HTT: variants seen among roughly 807,000 people sequenced by gnomAD.
HTT encodes the protein huntington disease protein.
A neutral mutation model predicts 362.3 loss-of-function variants in HTT; 104 were observed. The ratio of observed to expected loss-of-function variants is 0.29; its 90% CI spans 0.24 to 0.34. HTT has a LOEUF of 0.34. HTT is among the 10% of genes least tolerant of loss of function. The pLI is 1.00. For missense variants in HTT, 3,301 were observed against 3,928.6 expected (o/e 0.84, Z 4.27); for synonymous variants, 1,577 against 1,548.7 (o/e 1.02, Z -0.43).
At chr4:3,213,265 C>G (rs1036326429) in intron 49 of HTT, among the ~76,000 whole-genome samples, 2 of 152,230 alleles carry the variant, frequency 1.3e-5, no homozygotes, top group Admixed American at 6.5e-5. Flanking sequence ...ATGATAAATA[C>G]ACCCTTATTC....
At chr4:3,220,790 G>C (rs1376619409) in intron 53 of HTT, among the ~76,000 whole-genome samples, 1 of 152,154 alleles carries the variant, frequency 6.6e-6, no homozygotes, top group African/African-American at 2.4e-5. Context: ...GGAGAAAGCA[G>C]GCTTGGGGCT....
At position 3,074,905 on chromosome 4, in the gene HTT, AG is replaced by A. The variant is rs1712394052; in HGVS notation, c.81del (p.Gln27HisfsTer74). ...FQQQQQQQQQ[Q>X]QQQQQQQQQQ... ...CAGCAGCAGCAGCAGCAGCAGCAGC[AG>A]CAGCAGCAGCAGCAGCAGCAGCAGC... On this transcript the variant is annotated frameshift_variant, in exon 1 of 67. Coordinates refer to ENST00000355072, the MANE Select transcript of HTT (RefSeq NM_001388492.1). LOFTEE classifies it high-confidence loss of function. The A allele has an allele frequency of 4.0e-6, 6 of 1,499,458 alleles. No homozygotes were observed. Among genetic ancestry groups the A allele is most frequent in the Admixed American group, 2.1e-5 (1 of 48,560 alleles). The allele number at this position is 1,499,458 out of a possible 1,614,324, so 92.9% of individuals were successfully genotyped here.
rs754981618 is a variant in HTT at position 3,186,667 on chromosome 4, T to G, written c.4937T>G (p.Leu1646Arg). ...TLFEILAPSS[L>R]RPVDMLLRSM... The stretch of plus-strand genomic sequence containing the variant: ...TTTGAGATTTTGGCCCCTTCCTCCC[T>G]CCGTCCGGTAGACATGCTTTTACGG... Residue 1646 changes from leucine to arginine, a missense_variant, in exon 38 of 67, where the codon CTC becomes CGC. Leu to Arg is a moderately radical substitution (Grantham distance 102). Coordinates refer to ENST00000355072, the MANE Select transcript of HTT (RefSeq NM_001388492.1). The G allele has an allele frequency of 1.2e-5, 19 of 1,609,698 alleles. No homozygotes were observed. The Admixed American group carries it at 3.2e-4, about 27-fold the overall frequency.
At position 3,075,027 on chromosome 4, in the gene HTT, C is replaced by A; in HGVS notation, c.202C>A (p.Pro68Thr). The part of the protein sequence containing the change: ...AQPLLPQPQP[P>T]PPPPPPPPGP... ...GCCGCTGCTGCCTCAGCCGCAGCCG[C>A]CCCCGCCGCCGCCCCCGCCGCCACC... The change falls in exon 1 of 67, where the codon CCC becomes ACC. Residue 68 changes from proline to threonine, a missense_variant. Transcript: ENST00000355072. 1 of 1,250,910 alleles carries A rather than the reference C, an allele frequency of 8.0e-7. No homozygotes were observed. Among genetic ancestry groups the A allele is most frequent in the Non-Finnish European group, 1.0e-6 (1 of 1,004,028 alleles). 77.5% of individuals were successfully genotyped at this position (1,250,910 alleles called of 1,614,324 possible). A position where few individuals can be genotyped will look rare whatever the true frequency, so the allele number is the denominator to read the frequency against.
At chr4:3,164,911 G>A (rs1180891356) in intron 29 of HTT, among the ~76,000 whole-genome samples, 1 of 152,140 alleles carries the variant, frequency 6.6e-6, no homozygotes, top group Non-Finnish European at 1.5e-5. Context: ...GGGGCATTTA[G>A]CCCATTTACA....
At chr4:3,197,562 C>T (rs933349670) in intron 40 of HTT, among the ~76,000 whole-genome samples, 17 of 152,138 alleles carry the variant, frequency 1.1e-4, no homozygotes, top group Admixed American at 2.0e-4. Flanking sequence ...GCTGCCACCC[C>T]GGGGGCTGAG....
At chr4:3,102,290 G>A (rs1036177358) in intron 3 of HTT, among the ~76,000 whole-genome samples, 3 of 152,236 alleles carry the variant, frequency 2.0e-5, no homozygotes, top group African/African-American at 7.2e-5. Context: ...ATCACCCAGC[G>A]ACTGGCGTAG....
At chr4:3,110,406 C>G (rs1714683190) in intron 6 of HTT, among the ~76,000 whole-genome samples, 2 of 152,156 alleles carry the variant, frequency 1.3e-5, no homozygotes, top group African/African-American at 2.4e-5. Flanking sequence ...GCTCTCTGCC[C>G]CAGTCTGGGC....
At chr4:3,146,726 G>A in intron 24 of HTT, 71 bp from the exon 25 acceptor site, 2 of 1,384,874 alleles carry the variant, frequency 1.4e-6, no homozygotes, top group Non-Finnish European at 2.0e-6. Context: ...TCTTGGAATT[G>A]CAAGAGAAAG....
chr4:3,075,648 A>AGGGGGGGGGG (rs368641776), intron 1 of HTT, among the ~76,000 whole-genome samples: 11 of 54,318 alleles, frequency 2.0e-4, no homozygotes, highest in Non-Finnish European at 4.4e-4. Context: ...GTGGCGGGGC[A>AGGGGGGGGGG]GGGGGGGGGC....
chr4:3,146,696 T>C, intron 24 of HTT, 101 bp from the exon 25 acceptor site: 1 of 990,306 alleles, frequency 1.0e-6, no homozygotes, highest in East Asian at 2.4e-5. Flanking sequence ...TGGTATAAAA[T>C]GTATTGTGAC....
At chr4:3,085,859 G>C (rs2110140959) in intron 1 of HTT, among the ~76,000 whole-genome samples, 1 of 152,290 alleles carries the variant, frequency 6.6e-6, no homozygotes, top group South Asian at 2.1e-4. Flanking sequence ...TGAAGCCATA[G>C]GTTTGGATGG....
intron 33 of HTT, among the ~76,000 whole-genome samples, chr4:3,176,025 G>GTTTGTTTTT (rs1553917204): frequency 7.2e-6 from 1 of 139,130 alleles, no homozygotes; most frequent in African/African-American, 3.0e-5. Flanking sequence ...GTTGTTGTTT[G>GTTTGTTTTT]TTTTTTTTTG....
chr4:3,188,392 G>GT (rs1317957403), intron 39 of HTT: 1 of 164,416 alleles, frequency 6.1e-6, no homozygotes, highest in African/African-American at 2.4e-5. Context: ...TGAGGCACTC[G>GT]TAAGTGCTTG....
intron 51 of HTT, among the ~76,000 whole-genome samples, chr4:3,217,159 G>A (rs1198688465): frequency 6.6e-6 from 1 of 152,174 alleles, no homozygotes; most frequent in Non-Finnish European, 1.5e-5. Flanking sequence ...TAATAGCCAC[G>A]TAATACACAC....
Position 3,142,810 on chromosome 4 carries a change from C to T in HTT, c.2990C>T (p.Thr997Ile). 5.0e-6 allele frequency: 8 copies of T among 1,589,290 alleles called. No individual in the cohort carries two copies. Among genetic ancestry groups the T allele is most frequent in the Non-Finnish European group, 6.0e-6 (7 of 1,157,650 alleles). Residue 997 changes from threonine to isoleucine, a missense_variant, in exon 23 of 67, where the codon ACT (threonine) becomes ATT (isoleucine). Physicochemically the swap from Thr to Ile is moderately conservative, Grantham distance 89. Transcript: ENST00000355072. ...CTACTACCAAGCATAACAGACGTCA[C>T]TATGGAAAATAACCTTTCAAGAGTT... Reference protein sequence around the residue: ...YNLLPSITDVTMENNLSRVIA... With the variant: ...YNLLPSITDVIMENNLSRVIA...
chr4:3,116,364 G>A, intron 8 of HTT, 101 bp downstream of exon 8: 1 of 1,015,346 alleles, frequency 9.8e-7, no homozygotes, highest in Non-Finnish European at 1.5e-6. Context: ...AGTTAGAGGT[G>A]TGGACTCTGG....
Position 3,130,325 on chromosome 4 carries a change from T to G in HTT, c.1888T>G (p.Leu630Val), listed in dbSNP as rs750620492. The G allele has an allele frequency of 6.3e-7, 1 of 1,588,666 alleles. No individual in the cohort carries two copies. Among genetic ancestry groups the G allele is most frequent in the East Asian group, 2.3e-5 (1 of 44,356 alleles). Residue 630 changes from leucine to valine, a missense_variant, in exon 14 of 67, where the codon TTG (leucine) becomes GTG (valine). Around this residue, in one of 4 missense-constraint regions of HTT, gnomAD observed 2,316 missense variants for 2,658.5 expected, o/e 0.87. Transcript: ENST00000355072. The stretch of plus-strand genomic sequence containing the variant: ...TAAAGCCCTTCAACAGGCACATTTA[T>G]TGAAAAACATGAGTCACTGCAGGCA... ...SSMALQQAHL[L>V]KNMSHCRQPS...
chr4:3,173,198 A>G, intron 31 of HTT, 67 bp downstream of exon 31: 1 of 1,322,030 alleles, frequency 7.6e-7, no homozygotes, highest in Non-Finnish European at 1.1e-6. Context: ...AATACTTTGT[A>G]AAAGAATAAA....
Sources: allele counts gnomAD v4.1 joint callset (sites outside exome capture counted in the v4.1 genomes callset), GRCh38; gene constraint gnomAD v4.1.1; regional missense constraint gnomAD v4.1.1; transcripts MANE v1.5; gene names NCBI Gene and HGNC (gene_info 2026-07-23, HGNC 2026-07-21).